TSC22D2: variants seen among roughly 807,000 people sequenced by gnomAD.
The protein encoded by TSC22D2 is TSC22 domain family member 2.
TSC22D2 carries 5 observed loss-of-function variants against 50.1 expected under a neutral mutation model. The ratio of observed to expected loss-of-function variants is 0.10; its 90% CI spans 0.05 to 0.21. The LOEUF (loss-of-function observed/expected upper bound fraction) is 0.21. Among genes scored for constraint, TSC22D2 ranks in the 10% least tolerant of loss-of-function variants. TSC22D2 has a pLI of 1.00. For missense variants in TSC22D2, 1,003 were observed against 1,015.5 expected (o/e 0.99, Z 0.17); for synonymous variants, 501 against 450.1 (o/e 1.11, Z -1.43).
chr3:150,420,836 C>T (rs1487610124), intron 1 of TSC22D2, among the ~76,000 whole-genome samples: 1 of 152,202 alleles, frequency 6.6e-6, no homozygotes, highest in Non-Finnish European at 1.5e-5. Context: ...AATCCCAGCA[C>T]TTTGGGAGGC....
Position 150,410,662 on chromosome 3 carries a change from GC to G in TSC22D2, c.1318del (p.Arg440GlyfsTer102). 2.6e-6 allele frequency: 4 copies of G among 1,554,668 alleles called. No homozygotes were observed. Among genetic ancestry groups the G allele is most frequent in the South Asian group, 1.2e-5 (1 of 85,110 alleles). On this transcript the variant is annotated frameshift_variant, in exon 1 of 3. Coordinates refer to ENST00000688009, the MANE Select transcript of TSC22D2 (RefSeq NM_001303264.2). LOFTEE classifies it high-confidence loss of function. The part of the protein sequence containing the change: ...GASSQPSEAM[A>X]PRTGPAQGGQ... ...GTCTTCCCAGCCCAGCGAAGCCATG[GC>G]CCCCCGGACGGGACCAGCGCAAGGC...
Position 150,409,714 on chromosome 3 carries a change from G to C in TSC22D2, c.364G>C (p.Ala122Pro). The change falls in exon 1 of 3, where the codon GCG becomes CCG. Residue 122 changes from alanine to proline, a missense_variant. By Grantham distance (27) the Ala-to-Pro change is conservative (BLOSUM62 -1). Coordinates refer to ENST00000688009, the MANE Select transcript of TSC22D2 (RefSeq NM_001303264.2). The surrounding 1 kb of genome is among the most constrained non-coding windows in gnomAD (Gnocchi z 7.4). ...SVSGALASTL[A>P]AAATSAPAPG... ...GTCTGGGGCGCTCGCCAGTACCCTG[G>C]CGGCGGCTGCCACTTCGGCCCCCGC... The C allele has an allele frequency of 6.3e-7, 1 of 1,591,094 alleles. No homozygotes were observed. The highest frequency in any genetic ancestry group is 8.5e-7 in the Non-Finnish European group (1 of 1,173,026).
chr3:150,441,644 C>T (rs570110573), intron 1 of TSC22D2, among the ~76,000 whole-genome samples: 240 of 152,180 alleles, frequency 1.6e-3, no homozygotes, highest in Non-Finnish European at 2.4e-3. Context: ...GTCTCAGCTA[C>T]TTGGGAGGCT....
intron 1 of TSC22D2, among the ~76,000 whole-genome samples, chr3:150,439,910 T>G (rs150508965): frequency 1.3e-4 from 20 of 152,312 alleles, no homozygotes; most frequent in African/African-American, 4.3e-4. Flanking sequence ...ACATTTAGTT[T>G]AGGAATTTCG....
At chr3:150,413,590 TAA>T (rs200133245) in intron 1 of TSC22D2, among the ~76,000 whole-genome samples, 23 of 137,918 alleles carry the variant, frequency 1.7e-4, no homozygotes, top group Non-Finnish European at 3.0e-4. Flanking sequence ...AAGCTTTGGT[TAA>T]AAAAAAAAAA....
intron 1 of TSC22D2, among the ~76,000 whole-genome samples, chr3:150,412,887 A>G (rs1487982331): frequency 6.6e-6 from 1 of 152,146 alleles, no homozygotes; most frequent in African/African-American, 2.4e-5. Context: ...CCACAAGCCA[A>G]TTTTTTCCTG....
rs761434201 is a variant in TSC22D2, at chr3:150,410,323, C to T, written c.973C>T (p.Pro325Ser). 45 of 1,577,242 alleles carry T rather than the reference C, an allele frequency of 2.9e-5. No individual in the cohort carries two copies. Among genetic ancestry groups the T allele is most frequent in the Admixed American group, 2.7e-4 (15 of 56,370 alleles). ...AGCGGGGCCCGGGGGACAGACTCTGCCGCCGACGAATGTAACCCTGGCGCA... is the reference window on the plus strand; with the variant it reads ...AGCGGGGCCCGGGGGACAGACTCTGTCGCCGACGAATGTAACCCTGGCGCA... ...QGAGPGGQTL[P>S]PTNVTLAQPA... Residue 325 changes from proline to serine, a missense_variant, in exon 1 of 3, where the codon CCG (proline) becomes TCG (serine). Physicochemically the swap from Pro to Ser is moderately conservative, Grantham distance 74. Coordinates refer to ENST00000688009, the MANE Select transcript of TSC22D2 (RefSeq NM_001303264.2).
chr3:150,436,715 CAAAAT>C (rs1236497359), intron 1 of TSC22D2, among the ~76,000 whole-genome samples: 2 of 152,014 alleles, frequency 1.3e-5, no homozygotes, highest in Admixed American at 6.6e-5. Context: ...TCACAGAAGA[CAAAAT>C]AAAGTTGTAT....
chr3:150,455,012 T>TA (rs1022622914), intron 1 of TSC22D2, among the ~76,000 whole-genome samples: 1 of 152,206 alleles, frequency 6.6e-6, no homozygotes, highest in African/African-American at 2.4e-5. Flanking sequence ...TGCTTGTTAA[T>TA]ACATAAAACT....
chr3:150,426,891 T>A (rs1361085967), intron 1 of TSC22D2, among the ~76,000 whole-genome samples: 1 of 152,156 alleles, frequency 6.6e-6, no homozygotes, highest in Non-Finnish European at 1.5e-5. Context: ...TTTAAAATTA[T>A]TGGATAAAAA....
chr3:150,417,004 G>A (rs781249657), intron 1 of TSC22D2, among the ~76,000 whole-genome samples: 1 of 152,104 alleles, frequency 6.6e-6, no homozygotes, highest in Non-Finnish European at 1.5e-5. Context: ...ATTTATTTGT[G>A]ATGTTAGTGA....
rs780409368 is a variant in TSC22D2 at position 150,410,423 on chromosome 3, C to T, written c.1073C>T (p.Ala358Val). The T allele has an allele frequency of 1.2e-6, 2 of 1,608,966 alleles. No homozygotes were observed. Among genetic ancestry groups the T allele is most frequent in the African/African-American group, 2.7e-5 (2 of 74,446 alleles). ...GCGGCGCAGCAGCCCCAGCAGTTCG[C>T]GTATCCTCAGCCTCAGATACCGCCC... ...APAAQQPQQF[A>V]YPQPQIPPGH... Residue 358 changes from alanine (A) to valine (V), a missense_variant, in exon 1 of 3, where the codon GCG (alanine) becomes GTG (valine). Around this residue, in one of 6 missense-constraint regions of TSC22D2, gnomAD observed 696 missense variants for 647.8 expected, o/e 1.07. Transcript: ENST00000688009.
At position 150,410,690 on chromosome 3, in the gene TSC22D2, G is replaced by T. The variant is rs1402323067; in HGVS notation, c.1340G>T (p.Gly447Val). 6 of 1,566,070 alleles carry T rather than the reference G, an allele frequency of 3.8e-6. No individual in the cohort carries two copies. Among genetic ancestry groups the T allele is most frequent in the Non-Finnish European group, 5.2e-6 (6 of 1,157,426 alleles). ...MAPRTGPAQGGQVAPCQPTGV... is the reference protein window; with the variant it reads ...MAPRTGPAQGVQVAPCQPTGV... ...CCCCGGACGGGACCAGCGCAAGGCG[G>T]GCAGGTCGCGCCTTGTCAGCCGACT... The change falls in exon 1 of 3, where the codon GGG becomes GTG. Residue 447 changes from glycine to valine, a missense_variant. Coordinates refer to ENST00000688009, the MANE Select transcript of TSC22D2 (RefSeq NM_001303264.2).
intron 1 of TSC22D2, among the ~76,000 whole-genome samples, chr3:150,447,314 C>T (rs1720916177): frequency 6.6e-6 from 1 of 152,194 alleles, no homozygotes; most frequent in South Asian, 2.1e-4. Context: ...TTAGTGTTCT[C>T]CAGTGTTTTG....
At chr3:150,437,837 A>G (rs1477324738) in intron 1 of TSC22D2, among the ~76,000 whole-genome samples, 1 of 151,784 alleles carries the variant, frequency 6.6e-6, no homozygotes, top group Non-Finnish European at 1.5e-5. Flanking sequence ...ATAAAATAAA[A>G]TAAAATAAGA....
rs958396974 is a variant in TSC22D2, at chr3:150,465,140, A to C, written c.*6504A>C. The C allele has an allele frequency of 1.4e-4, 21 of 152,250 alleles. No homozygotes were observed. The highest frequency in any genetic ancestry group is 4.8e-4 in the African/African-American group (20 of 41,482). The allele number at this position is 152,250 out of a possible 1,614,324, so 9.4% of individuals were successfully genotyped here. On this transcript the variant is annotated 3_prime_UTR_variant, in exon 3 of 3. Coordinates refer to ENST00000688009, the MANE Select transcript of TSC22D2 (RefSeq NM_001303264.2). ...TATTCAACAAATAGTATGGGATAGCATAACAATTTAGAAGAAATATAAAGT... is the reference window on the plus strand; with the variant it reads ...TATTCAACAAATAGTATGGGATAGCCTAACAATTTAGAAGAAATATAAAGT...
chr3:150,456,809 TGA>T (rs1721206064), intron 1 of TSC22D2: 1 of 371,358 alleles, frequency 2.7e-6, no homozygotes, highest in South Asian at 3.4e-5. Context: ...TTAATACAAT[TGA>T]GAGTTAGTTT....
rs1372767740 is a variant in TSC22D2 at position 150,408,311 on chromosome 3, G to GGCGGCA, written c.-1035_-1030dup. The GGCGGCA allele has an allele frequency of 6.5e-6, 1 of 153,562 alleles. No homozygotes were observed. Among genetic ancestry groups the GGCGGCA allele is most frequent in the South Asian group, 1.7e-4 (1 of 5,734 alleles). The allele number at this position is 153,562 out of a possible 1,614,324, so 9.5% of individuals were successfully genotyped here. On this transcript the variant is annotated 5_prime_UTR_variant, in exon 1 of 3. Transcript: ENST00000688009. ...CGGCGGCATTTTAGTCGGCAGCGGC[G>GGCGGCA]GCGGCAGCGGGGCTGCTGCTCCTCC...
chr3:150,456,908 A>G (rs914156409), intron 1 of TSC22D2, 168 bp from the exon 2 acceptor site: 1 of 618,848 alleles, frequency 1.6e-6, no homozygotes, highest in African/African-American at 1.9e-5. Flanking sequence ...TGAGACTTTC[A>G]TTTTAGAAAT....
Sources: allele counts gnomAD v4.1 joint callset (sites outside exome capture counted in the v4.1 genomes callset), GRCh38; gene constraint gnomAD v4.1.1; regional missense constraint gnomAD v4.1.1; non-coding constraint Gnocchi (gnomAD v3.1); transcripts MANE v1.5; gene names NCBI Gene and HGNC (gene_info 2026-07-23, HGNC 2026-07-21).